Variants in NCKAP1 observed in about 807,000 individuals in gnomAD.
The protein encoded by NCKAP1 is NCK associated protein 1.
In NCKAP1, 21 loss-of-function variants were observed where a neutral mutation model predicts 151.2. That is an observed-to-expected ratio of 0.14 (90% CI 0.10 to 0.20). The LOEUF is 0.20. Among genes scored for constraint, NCKAP1 ranks in the 10% least tolerant of loss-of-function variants. NCKAP1 has a pLI of 1.00. For synonymous variants in NCKAP1, 484 were observed against 451.8 expected (o/e 1.07, Z -0.90); for missense variants, 933 against 1,352.1 (o/e 0.69, Z 4.86).
intron 30 of NCKAP1, among the ~76,000 whole-genome samples, chr2:182,926,089 CCTCA>C (rs1696638464): frequency 6.6e-6 from 1 of 152,048 alleles, no homozygotes; most frequent in Non-Finnish European, 1.5e-5. Flanking sequence ...CTTTCATTTT[CCTCA>C]CTGATATACT....
chr2:182,975,799 G>C (rs1218652911), intron 15 of NCKAP1, among the ~76,000 whole-genome samples: 1 of 152,040 alleles, frequency 6.6e-6, no homozygotes, highest in African/African-American at 2.4e-5. Context: ...CAGCTATTCA[G>C]GAGGCTGATG....
chr2:183,029,507 G>A (rs1698964332), intron 1 of NCKAP1, among the ~76,000 whole-genome samples: 1 of 150,562 alleles, frequency 6.6e-6, no homozygotes, highest in Non-Finnish European at 1.5e-5. Flanking sequence ...CTATTCACAA[G>A]AGATTAAGCA....
intron 27 of NCKAP1, 40 bp downstream of exon 27, chr2:182,930,655 C>T: frequency 6.6e-7 from 1 of 1,517,560 alleles, no homozygotes; most frequent in Non-Finnish European, 9.1e-7. Flanking sequence ...GCCCTGGTAA[C>T]TTTAACTAAG....
At chr2:183,009,157 T>C (rs1301777198) in intron 2 of NCKAP1, among the ~76,000 whole-genome samples, 2 of 152,084 alleles carry the variant, frequency 1.3e-5, no homozygotes, top group Non-Finnish European at 2.9e-5. Context: ...GCGGATCACC[T>C]GAGGTCAGGA....
intron 22 of NCKAP1, 72 bp downstream of exon 22, chr2:182,952,721 C>T (rs1380538954): frequency 1.1e-5 from 15 of 1,427,546 alleles, no homozygotes; most frequent in Non-Finnish European, 1.4e-5. Flanking sequence ...AATCAAAAGT[C>T]TAAAGAATCA....
chr2:182,992,882 T>C (rs1456137327), intron 8 of NCKAP1, among the ~76,000 whole-genome samples: 1 of 152,208 alleles, frequency 6.6e-6, no homozygotes, highest in Admixed American at 6.5e-5. Context: ...AATCTAGTAA[T>C]AAAAACTATG....
At position 182,928,193 on chromosome 2, in the gene NCKAP1, G is replaced by A; in HGVS notation, c.3104C>T (p.Ala1035Val). Reference protein sequence around the residue: ...HCNNIHCLAKAINQIAAALFT... With the variant: ...HCNNIHCLAKVINQIAAALFT... The stretch of plus-strand genomic sequence containing the variant: ...CAAAGCTGCAGCAATCTGGTTGATG[G>A]CTTTGGCCAAGCAATGTATGTTGTT... The change falls in exon 29 of 31, where the codon GCC becomes GTC. Residue 1035 changes from alanine to valine, a missense_variant. By Grantham distance (64) the Ala-to-Val change is moderately conservative (BLOSUM62 0). This residue lies in a region of NCKAP1 where 326 missense variants were observed against 557.1 expected (regional missense o/e 0.59). Coordinates refer to ENST00000361354, the MANE Select transcript of NCKAP1 (RefSeq NM_013436.5). 6 of 1,612,774 alleles carry A rather than the reference G, an allele frequency of 3.7e-6. No individual in the cohort carries two copies. The highest frequency in any genetic ancestry group is 1.1e-5 in the South Asian group (1 of 90,940).
At chr2:183,016,873 C>T (rs189258841) in intron 2 of NCKAP1, among the ~76,000 whole-genome samples, 1 of 152,186 alleles carries the variant, frequency 6.6e-6, no homozygotes, top group African/African-American at 2.4e-5. Context: ...TGGCATTTGT[C>T]CCGGCAGGAA....
chr2:183,028,623 G>A lies in NCKAP1; in HGVS notation c.109-4707C>T, dbSNP rs113091136. On this transcript the variant is annotated intron_variant, in intron 1 of 30. Coordinates refer to ENST00000361354, the MANE Select transcript of NCKAP1 (RefSeq NM_013436.5). Reference sequence around the variant, plus strand: ...GCCTCAGTTACCTAACCCATAAATTGAGGATATTATTACTACCTACTGCAT... The same window carrying A: ...GCCTCAGTTACCTAACCCATAAATTAAGGATATTATTACTACCTACTGCAT... 1.2e-4 allele frequency among the ~76,000 whole-genome samples: 18 copies of A among 152,160 alleles called. 1 individual carries two copies. The South Asian group carries it at 2.9e-3, about 25-fold the overall frequency.
intron 23 of NCKAP1, among the ~76,000 whole-genome samples, chr2:182,949,035 T>C (rs903098607): frequency 3.5e-4 from 53 of 152,230 alleles, no homozygotes; most frequent in African/African-American, 1.2e-3. Flanking sequence ...AGATGATACA[T>C]GAAGGGAAGC....
At chr2:182,991,065 T>C (rs189518018) in intron 8 of NCKAP1, among the ~76,000 whole-genome samples, 1 of 152,328 alleles carries the variant, frequency 6.6e-6, no homozygotes, top group East Asian at 1.9e-4. Flanking sequence ...CACCCTAATA[T>C]CAAGTGAAAT....
intron 27 of NCKAP1, among the ~76,000 whole-genome samples, chr2:182,929,325 C>A (rs1696712710): frequency 1.3e-5 from 2 of 151,706 alleles, no homozygotes; most frequent in Non-Finnish European, 2.9e-5. Context: ...CCAAAAAAAT[C>A]TTAATTACTT....
At chr2:182,977,609 G>A (rs1165825275) in intron 14 of NCKAP1, among the ~76,000 whole-genome samples, 2 of 152,156 alleles carry the variant, frequency 1.3e-5, no homozygotes, top group African/African-American at 4.8e-5. Context: ...GCCAGTCACA[G>A]CAAGACAAAT....
intron 1 of NCKAP1, 46 bp from the exon 2 acceptor site, chr2:183,023,962 T>A: frequency 7.5e-7 from 1 of 1,326,564 alleles, no homozygotes; most frequent in Non-Finnish European, 1.1e-6. Context: ...ACCCTTCTTC[T>A]AAAATCAAAA....
chr2:182,983,062 A>G, intron 11 of NCKAP1, 135 bp from the exon 12 acceptor site: 1 of 721,406 alleles, frequency 1.4e-6, no homozygotes, highest in Non-Finnish European at 2.3e-6. Flanking sequence ...ACAGAAGAGG[A>G]CACAAGAGAA....
chr2:183,027,838 A>C (rs1444863208), intron 1 of NCKAP1, among the ~76,000 whole-genome samples: 1 of 152,182 alleles, frequency 6.6e-6, no homozygotes, highest in Non-Finnish European at 1.5e-5. Context: ...TAAGAAAATC[A>C]CAACTTGCAT....
chr2:182,952,335 T>C (rs968999474), intron 23 of NCKAP1, 70 bp downstream of exon 23: 12 of 979,608 alleles, frequency 1.2e-5, no homozygotes, highest in East Asian at 1.0e-4. Flanking sequence ...TGTAGGCTTG[T>C]TGCTCATATC....
At chr2:182,993,297 T>A (rs1242606685) in intron 8 of NCKAP1, among the ~76,000 whole-genome samples, 1 of 152,172 alleles carries the variant, frequency 6.6e-6, no homozygotes, top group Non-Finnish European at 1.5e-5. Flanking sequence ...CTTTGTGAAA[T>A]TTTTTCCCGT....
chr2:182,977,414 T>G (rs1697847437), intron 14 of NCKAP1, among the ~76,000 whole-genome samples: 1 of 152,070 alleles, frequency 6.6e-6, no homozygotes, highest in African/African-American at 2.4e-5. Flanking sequence ...TGCTTGAACC[T>G]GGGAGGCAGA....
Sources: gnomAD v4.1 joint callset for allele counts (sites outside exome capture counted in the v4.1 genomes callset) on GRCh38, gnomAD v4.1.1 for gene constraint, gnomAD v4.1.1 regional missense constraint, MANE v1.5 for transcripts, NCBI Gene and HGNC (gene_info 2026-07-23, HGNC 2026-07-21) for gene names.